CCDC15: variants seen among roughly 807,000 people sequenced by gnomAD.
CCDC15 encodes coiled-coil domain containing 15.
Under a neutral mutation model 114.5 loss-of-function variants are expected in CCDC15, and 105 were observed. The ratio of observed to expected loss-of-function variants is 0.92; its 90% CI spans 0.78 to 1.08. The LOEUF is 1.08. Ranked by LOEUF, CCDC15 falls within the 50% of genes least tolerant of loss-of-function variation. The probability of loss-of-function intolerance (pLI) is 0.00; values close to 1 mark genes in which losing one functional copy is unlikely to be tolerated. For missense variants in CCDC15, 1,105 were observed against 1,093.6 expected (o/e 1.01, Z -0.15); for synonymous variants, 334 against 377.8 (o/e 0.88, Z 1.34).
chr11:124,998,818 A>G (rs1948422894), intron 11 of CCDC15, among the ~76,000 whole-genome samples: 1 of 150,804 alleles, frequency 6.6e-6, no homozygotes, highest in South Asian at 2.1e-4. Context: ...GCTCACTGCA[A>G]CCTCTGCTTC....
At chr11:124,991,362 A>ATTCTCACT in intron 8 of CCDC15, 99 bp from the exon 9 acceptor site, 1 of 765,552 alleles carries the variant, frequency 1.3e-6, no homozygotes, top group Admixed American at 3.1e-5. Context: ...ATTATCCTGA[A>ATTCTCACT]AAAAACTACC....
chr11:125,027,456 T>C (rs1352452202), intron 13 of CCDC15, among the ~76,000 whole-genome samples: 1 of 152,180 alleles, frequency 6.6e-6, no homozygotes, highest in Non-Finnish European at 1.5e-5. Flanking sequence ...TGATACCTCA[T>C]TGTGGTTTTA....
chr11:124,995,700 C>T (rs1948354077), intron 11 of CCDC15, among the ~76,000 whole-genome samples: 1 of 152,132 alleles, frequency 6.6e-6, no homozygotes, highest in Admixed American at 6.5e-5. Context: ...ACGCATGGGG[C>T]ATTCACAAAG....
At chr11:124,977,704 A>G (rs1947997677) in intron 6 of CCDC15, 104 bp downstream of exon 6, 1 of 1,165,236 alleles carries the variant, frequency 8.6e-7, no homozygotes. Flanking sequence ...TATTTTTTTT[A>G]ACGGACTTTA....
At chr11:125,019,929 G>A (rs1288216434) in intron 13 of CCDC15, among the ~76,000 whole-genome samples, 1 of 21,466 alleles carries the variant, frequency 4.7e-5, no homozygotes, top group Non-Finnish European at 8.4e-5. Context: ...ATCGGTATTT[G>A]TCATTTCTAT....
chr11:124,968,741 C>T (rs1947828478), intron 4 of CCDC15, among the ~76,000 whole-genome samples: 1 of 152,204 alleles, frequency 6.6e-6, no homozygotes, highest in Non-Finnish European at 1.5e-5. Flanking sequence ...CTGCGTCGAT[C>T]ACGCTGGGAG....
intron 13 of CCDC15, among the ~76,000 whole-genome samples, chr11:125,021,744 C>G (rs1479091513): frequency 6.6e-6 from 1 of 151,776 alleles, no homozygotes; most frequent in African/African-American, 2.4e-5. Context: ...TTTCTAGTAA[C>G]CATTCTGTTA....
chr11:124,981,144 G>GT (rs1219701814), intron 6 of CCDC15, among the ~76,000 whole-genome samples: 6 of 151,890 alleles, frequency 4.0e-5, no homozygotes, highest in Non-Finnish European at 7.4e-5. Flanking sequence ...TTTGATTTTT[G>GT]TTTTTTTGTG....
At chr11:125,025,270 G>A (rs1270383024) in intron 13 of CCDC15, among the ~76,000 whole-genome samples, 2 of 150,142 alleles carry the variant, frequency 1.3e-5, no homozygotes, top group Non-Finnish European at 3.0e-5. Context: ...TGGTAATAAT[G>A]TATTATCCTT....
chr11:125,035,310 C>T (rs1948768368), intron 13 of CCDC15, among the ~76,000 whole-genome samples: 1 of 152,010 alleles, frequency 6.6e-6, no homozygotes, highest in Admixed American at 6.6e-5. Context: ...ATCAAGTTGA[C>T]AGTATTAACC....
intron 4 of CCDC15, among the ~76,000 whole-genome samples, chr11:124,962,290 C>T (rs1035509830): frequency 3.9e-5 from 6 of 152,116 alleles, no homozygotes; most frequent in Non-Finnish European, 7.3e-5. Context: ...TGTTAGTACA[C>T]GTCTCAGTTT....
chr11:125,015,690 A>G (rs1475371462), intron 13 of CCDC15, among the ~76,000 whole-genome samples: 2 of 152,246 alleles, frequency 1.3e-5, no homozygotes, highest in East Asian at 3.8e-4. Context: ...AAAGTTTTAC[A>G]TAAATTCTTC....
chr11:124,992,635 A>G lies in CCDC15; in HGVS notation c.2087A>G (p.Tyr696Cys), dbSNP rs541825670. 2.4e-5 allele frequency: 38 copies of G among 1,601,268 alleles called. No individual in the cohort carries two copies. The highest frequency in any genetic ancestry group is 3.3e-4 in the Middle Eastern group (2 of 6,050). The change falls in exon 10 of 16, where the codon TAT becomes TGT. Residue 696 changes from tyrosine (Y) to cysteine (C), a missense_variant. Tyr to Cys is a radical substitution (Grantham distance 194). Coordinates refer to ENST00000344762, the MANE Select transcript of CCDC15 (RefSeq NM_025004.3). ...ERVREELPLDYHQYVVPKIQD... is the reference protein window; with the variant it reads ...ERVREELPLDCHQYVVPKIQD... ...GTGAGAGAAGAATTGCCTCTGGACT[A>G]TCATCAATATGTTGTACCTAAAATC...
chr11:124,958,942 T>C lies in CCDC15; in HGVS notation c.178-173T>C, dbSNP rs534208226. Among the ~76,000 whole-genome samples, 39 of 152,348 alleles carry C rather than the reference T, an allele frequency of 2.6e-4. No homozygotes were observed. The South Asian group carries it at 7.9e-3, about 31-fold the overall frequency. ...GATTTAATGAAGACATCGTTAGTTC[T>C]AATTCAATAAAAAATTTAAGATTTG... On this transcript the variant is annotated intron_variant, in intron 2 of 15. Transcript: ENST00000344762.
At chr11:125,011,497 A>G (rs768151659) in intron 13 of CCDC15, among the ~76,000 whole-genome samples, 1 of 151,994 alleles carries the variant, frequency 6.6e-6, no homozygotes, top group Non-Finnish European at 1.5e-5. Flanking sequence ...CAGCCTCCCA[A>G]TGTGCTGGGA....
chr11:125,007,868 GGGTGAGGCAGGCCTGTCCTCA>G (rs1354364510), intron 13 of CCDC15, among the ~76,000 whole-genome samples: 1 of 152,224 alleles, frequency 6.6e-6, no homozygotes, highest in Non-Finnish European at 1.5e-5. Flanking sequence ...TGGCGGCAGT[GGGTGAGGCAGGCCTGTCCTCA>G]GGTCGTTTGG....
intron 4 of CCDC15, among the ~76,000 whole-genome samples, chr11:124,963,648 T>G (rs1488049939): frequency 6.6e-6 from 1 of 152,236 alleles, no homozygotes; most frequent in Non-Finnish European, 1.5e-5. Flanking sequence ...TTAGTTTAAT[T>G]AGATCCCATT....
intron 4 of CCDC15, among the ~76,000 whole-genome samples, chr11:124,969,468 A>T (rs1225237635): frequency 1.3e-5 from 2 of 152,166 alleles, no homozygotes; most frequent in African/African-American, 2.4e-5. Flanking sequence ...GTCTTACCAT[A>T]TAATAACTTT....
chr11:125,039,779 A>G (rs1948803035), intron 15 of CCDC15, among the ~76,000 whole-genome samples: 1 of 151,934 alleles, frequency 6.6e-6, no homozygotes, highest in Non-Finnish European at 1.5e-5. Flanking sequence ...TATAAGATGC[A>G]TGGCATGTTT....
Sources: allele counts gnomAD v4.1 joint callset (sites outside exome capture counted in the v4.1 genomes callset), GRCh38; gene constraint gnomAD v4.1.1; transcripts MANE v1.5; gene names NCBI Gene and HGNC (gene_info 2026-07-23, HGNC 2026-07-21).